Variants in PKNOX2 observed in about 807,000 individuals in gnomAD.
The protein encoded by PKNOX2 is PBX/knotted 1 homeobox 2.
PKNOX2 carries 14 observed loss-of-function variants against 53.1 expected under a neutral mutation model. The observed-to-expected ratio is 0.26, with a 90% confidence interval of 0.17 to 0.41. PKNOX2 has a LOEUF of 0.41. Among genes scored for constraint, PKNOX2 ranks in the 10% least tolerant of loss-of-function variants. The pLI, the probability that PKNOX2 is intolerant of heterozygous loss-of-function variation, is 1.00. For missense variants in PKNOX2, 496 were observed against 602.8 expected, an observed-to-expected ratio of 0.82 and a Z score of 1.85; for synonymous variants, 257 against 242.8, an observed-to-expected ratio of 1.06 and a Z score of -0.54.
chr11:125,292,066 C>T (rs1464649074), intron 2 of PKNOX2, among the ~76,000 whole-genome samples: 4 of 152,184 alleles, frequency 2.6e-5, no homozygotes, highest in Non-Finnish European at 5.9e-5. Flanking sequence ...GCATATTTTA[C>T]GTCATGGACA....
At chr11:125,341,859 C>A (rs1950704926) in intron 3 of PKNOX2, among the ~76,000 whole-genome samples, 1 of 152,260 alleles carries the variant, frequency 6.6e-6, no homozygotes, top group Non-Finnish European at 1.5e-5. Flanking sequence ...TGGCTGTCAT[C>A]TTCCCTTCCC....
At chr11:125,343,287 A>C (rs531074213) in intron 3 of PKNOX2, among the ~76,000 whole-genome samples, 1 of 152,306 alleles carries the variant, frequency 6.6e-6, no homozygotes, top group African/African-American at 2.4e-5. Context: ...GACCCACCGC[A>C]GGTCACTGCA....
intron 5 of PKNOX2, 105 bp downstream of exon 5, chr11:125,368,090 C>T (rs553678159): frequency 1.5e-5 from 21 of 1,365,370 alleles, no homozygotes; most frequent in South Asian, 1.3e-4. Flanking sequence ...GCAGAGATGA[C>T]GGCCAATAGC....
At chr11:125,347,075 G>A (rs1235739998) in intron 3 of PKNOX2, among the ~76,000 whole-genome samples, 1 of 152,218 alleles carries the variant, frequency 6.6e-6, no homozygotes, top group Non-Finnish European at 1.5e-5. Context: ...GCGGAATGGC[G>A]TGAAGGAAGA....
rs1276867654 is a variant in PKNOX2, at chr11:125,189,441, GTGTGTGTA to G, written c.-201+24667_-201+24674del. Among the ~76,000 whole-genome samples the G allele has an allele frequency of 3.8e-3, 220 of 57,902 alleles. 1 individual carries two copies. Among genetic ancestry groups the G allele is most frequent in the African/African-American group, 0.014 (183 of 12,626 alleles). 38.0% of individuals were successfully genotyped at this position (57,902 alleles called of 152,430 possible). On this transcript the variant is annotated intron_variant, in intron 1 of 12. Transcript: ENST00000298282. ...TGTGTGTGTGTGTGTGTGTGTGTGT[GTGTGTGTA>G]TATATATATATATATATATATATAT...
intron 2 of PKNOX2, among the ~76,000 whole-genome samples, chr11:125,282,608 T>C (rs1218611729): frequency 6.6e-6 from 1 of 152,370 alleles, no homozygotes; most frequent in East Asian, 1.9e-4. Flanking sequence ...AGCACTGGTC[T>C]CTGTCATCCA....
chr11:125,381,060 G>A (rs73628724), intron 5 of PKNOX2, among the ~76,000 whole-genome samples: 3 of 152,198 alleles, frequency 2.0e-5, no homozygotes, highest in South Asian at 2.1e-4. Flanking sequence ...GAAATGGAGC[G>A]TGTCTCTCAG....
chr11:125,402,203 A>G (rs899327851), intron 7 of PKNOX2, among the ~76,000 whole-genome samples: 6 of 151,928 alleles, frequency 3.9e-5, no homozygotes, highest in Admixed American at 1.3e-4. Context: ...ACTTTCAAAG[A>G]CCTGGGCCAC....
intron 2 of PKNOX2, among the ~76,000 whole-genome samples, chr11:125,255,207 C>G (rs183673930): frequency 6.6e-6 from 1 of 152,176 alleles, no homozygotes; most frequent in African/African-American, 2.4e-5. Flanking sequence ...ATGAAACGAG[C>G]GAATGCATAC....
chr11:125,349,156 A>G (rs1302455216), intron 3 of PKNOX2, among the ~76,000 whole-genome samples: 1 of 152,232 alleles, frequency 6.6e-6, no homozygotes, highest in East Asian at 1.9e-4. Flanking sequence ...AAAAAAGAGA[A>G]ATTCCACCCA....
intron 1 of PKNOX2, among the ~76,000 whole-genome samples, chr11:125,173,725 C>T (rs947001250): frequency 2.0e-5 from 3 of 152,130 alleles, no homozygotes; most frequent in Non-Finnish European, 4.4e-5. Flanking sequence ...GTGGGGGCAG[C>T]GAGGCTGCAG....
At chr11:125,364,317 GTCC>G (rs929313015) in intron 4 of PKNOX2, among the ~76,000 whole-genome samples, 3 of 152,316 alleles carry the variant, frequency 2.0e-5, no homozygotes, top group African/African-American at 7.2e-5. Context: ...TTGAGTCATC[GTCC>G]TCCTCAGACC....
rs568467656 is a variant in PKNOX2 at position 125,223,379 on chromosome 11, G to A, written c.-200-11666G>A. Among the ~76,000 whole-genome samples, 310 of 152,190 alleles carry A rather than the reference G, an allele frequency of 2.0e-3. 13 individuals carry two copies. The South Asian group carries it at 0.062, about 31-fold the overall frequency. On this transcript the variant is annotated intron_variant, in intron 1 of 12. Coordinates refer to ENST00000298282, the MANE Select transcript of PKNOX2 (RefSeq NM_001382323.2). ...TGAGCAGCTGGGATTACAGGCACCC[G>A]CCACCATGCCCAGCTAACTTTTTCT...
intron 3 of PKNOX2, among the ~76,000 whole-genome samples, chr11:125,333,959 C>A (rs1302648607): frequency 6.6e-6 from 1 of 152,154 alleles, no homozygotes. Context: ...AAACGACAAA[C>A]CCTAACTGAC....
chr11:125,264,830 G>A (rs1019043371), intron 2 of PKNOX2, among the ~76,000 whole-genome samples: 1 of 152,136 alleles, frequency 6.6e-6, no homozygotes, highest in African/African-American at 2.4e-5. Context: ...GAAGGCGGCC[G>A]ATTTTAGAAG....
intron 2 of PKNOX2, chr11:125,287,734 G>C (rs940025463): frequency 1.3e-5 from 2 of 152,270 alleles, no homozygotes; most frequent in Non-Finnish European, 2.9e-5. Context: ...AGGTCTCCTC[G>C]GCAGCTGCTG....
chr11:125,236,334 G>A (rs1311691793), intron 2 of PKNOX2, among the ~76,000 whole-genome samples: 1 of 136,538 alleles, frequency 7.3e-6, no homozygotes, highest in African/African-American at 2.7e-5. Context: ...GGTGTTGGGG[G>A]AAGGGTACCT....
intron 5 of PKNOX2, among the ~76,000 whole-genome samples, chr11:125,379,055 CT>C (rs35310311): frequency 0.59 from 72,947 of 124,182 alleles, 16,798 homozygotes; most frequent in East Asian, 0.8. Flanking sequence ...TTTTCTTTCT[CT>C]TTTTTTTTTT....
intron 2 of PKNOX2, among the ~76,000 whole-genome samples, chr11:125,271,918 G>T (rs541322560): frequency 5.3e-5 from 8 of 152,142 alleles, no homozygotes; most frequent in African/African-American, 1.9e-4. Context: ...ATGCATCATC[G>T]AGTCCCTTGG....
Sources: allele counts gnomAD v4.1 joint callset (sites outside exome capture counted in the v4.1 genomes callset), GRCh38; gene constraint gnomAD v4.1.1; transcripts MANE v1.5; gene names NCBI Gene and HGNC (gene_info 2026-07-23, HGNC 2026-07-21).